ROS1: variants seen among roughly 807,000 people sequenced by gnomAD.
ROS1 encodes the protein ROS proto-oncogene 1, receptor tyrosine kinase.
In ROS1, 263 loss-of-function variants were observed where a neutral mutation model predicts 273.5. The ratio of observed to expected loss-of-function variants is 0.96; its 90% CI spans 0.87 to 1.06. The LOEUF (loss-of-function observed/expected upper bound fraction) is 1.06, where lower values mean the gene tolerates loss of function less well. Among genes scored for constraint, ROS1 ranks in the 50% least tolerant of loss-of-function variants. The pLI is 0.00. For missense variants in ROS1, 2,833 were observed against 2,751.1 expected, an observed-to-expected ratio of 1.03 and a Z score of -0.67; for synonymous variants, 1,008 against 954.1, an observed-to-expected ratio of 1.06 and a Z score of -1.04.
At chr6:117,355,543 T>G (rs1324003181) in intron 26 of ROS1, among the ~76,000 whole-genome samples, 1 of 152,232 alleles carries the variant, frequency 6.6e-6, no homozygotes, top group African/African-American at 2.4e-5. Flanking sequence ...CATTAGCTAT[T>G]TGTGGCTTTT....
intron 18 of ROS1, among the ~76,000 whole-genome samples, chr6:117,378,614 A>T (rs1781535637): frequency 6.6e-6 from 1 of 152,182 alleles, no homozygotes; most frequent in Non-Finnish European, 1.5e-5. Flanking sequence ...AATATCTGAC[A>T]ATGCTAATGT....
chr6:117,398,693 A>AAAAAAAAAAAAAAAAAAAAAAC lies in ROS1; in HGVS notation c.605-1578_605-1577insGTTTTTTTTTTTTTTTTTTTTT, dbSNP rs1554252569. ...GACCTTGTCTCAAAAAAAAAAAAAA[A>AAAAAAAAAAAAAAAAAAAAAAC]AAAACTCGCGGTGACTCATGCTTGT... On this transcript the variant is annotated intron_variant, in intron 7 of 43. Coordinates refer to ENST00000368507, the MANE Select transcript of ROS1 (RefSeq NM_001378902.1). Among the ~76,000 whole-genome samples, 260 of 141,160 alleles carry AAAAAAAAAAAAAAAAAAAAAAC rather than the reference A, an allele frequency of 1.8e-3. 14 individuals carry two copies. Among genetic ancestry groups the AAAAAAAAAAAAAAAAAAAAAAC allele is most frequent in the Non-Finnish European group, 3.5e-3 (216 of 62,114 alleles). The allele number at this position is 141,160 out of a possible 152,430, so 92.6% of individuals were successfully genotyped here.
At position 117,389,454 on chromosome 6, in the gene ROS1, G is replaced by A. The variant is rs769974183; in HGVS notation, c.1682C>T (p.Ser561Phe). 1.9e-6 allele frequency: 3 copies of A among 1,614,190 alleles called. No individual in the cohort carries two copies. In the South Asian group the frequency reaches 3.3e-5, roughly 18 times the overall value. Residue 561 changes from serine to phenylalanine, a missense_variant, in exon 13 of 44, where the codon TCC becomes TTC. Transcript: ENST00000368507. ...FGNLVIFGSS[S>F]QLHPLPGRPQ... is the part of the protein sequence containing the mutation. ...GCGGCCTGGCAGAGGGTGCAGCTGG[G>A]AGGATGAGCCAAAGATGACCAAGTT... is the stretch of plus-strand genomic sequence containing the variant.
chr6:117,327,734 G>A (rs548079030), intron 33 of ROS1, among the ~76,000 whole-genome samples: 1 of 152,324 alleles, frequency 6.6e-6, no homozygotes, highest in East Asian at 1.9e-4. Context: ...ATTTTAATGT[G>A]ACCTTGTTTA....
chr6:117,307,203 C>G (rs1172731665), intron 42 of ROS1, among the ~76,000 whole-genome samples: 1 of 152,038 alleles, frequency 6.6e-6, no homozygotes, highest in African/African-American at 2.4e-5. Context: ...GTTATTAACC[C>G]CCCTGCCCCA....
intron 31 of ROS1, among the ~76,000 whole-genome samples, chr6:117,340,890 T>C (rs911777439): frequency 1.3e-5 from 2 of 152,102 alleles, no homozygotes; most frequent in Admixed American, 1.3e-4. Context: ...TAAAATATTA[T>C]AAAATTAGTA....
chr6:117,375,308 T>C (rs1277841579), intron 18 of ROS1, among the ~76,000 whole-genome samples: 1 of 151,878 alleles, frequency 6.6e-6, no homozygotes, highest in African/African-American at 2.4e-5. Context: ...GGGAGGAGGG[T>C]GAGGGATAAA....
intron 26 of ROS1, among the ~76,000 whole-genome samples, chr6:117,354,376 T>G (rs918771903): frequency 2.7e-5 from 4 of 150,604 alleles, no homozygotes; most frequent in Admixed American, 2.6e-4. Context: ...GTGCTTACAA[T>G]GAGCTACAAC....
chr6:117,348,233 G>A (rs971853536), intron 27 of ROS1, among the ~76,000 whole-genome samples: 1 of 151,852 alleles, frequency 6.6e-6, no homozygotes. Flanking sequence ...TATTTCAGAA[G>A]GCTATTAATT....
chr6:117,313,068 G>C (rs1014500734), intron 39 of ROS1, among the ~76,000 whole-genome samples: 1 of 152,052 alleles, frequency 6.6e-6, no homozygotes, highest in Non-Finnish European at 1.5e-5. Flanking sequence ...CTGTAGACTT[G>C]TGTCTGTAGA....
At chr6:117,304,949 A>T (rs888067645) in intron 42 of ROS1, among the ~76,000 whole-genome samples, 1 of 152,068 alleles carries the variant, frequency 6.6e-6, no homozygotes, top group African/African-American at 2.4e-5. Flanking sequence ...GGCCATGGGA[A>T]AGACTGTGCC....
At chr6:117,397,146 AGAAAAATGT>A in intron 7 of ROS1, 30 bp from the exon 8 acceptor site, 1 of 1,403,456 alleles carries the variant, frequency 7.1e-7, no homozygotes, top group African/African-American at 1.4e-5. Flanking sequence ...CATAATGAGC[AGAAAAATGT>A]GCAAGCATGA....
Position 117,322,067 on chromosome 6 carries a change from A to T in ROS1, c.5624-673T>A, listed in dbSNP as rs1582616358. Among the ~76,000 whole-genome samples, 3 of 152,100 alleles carry T rather than the reference A, an allele frequency of 2.0e-5. No individual in the cohort carries two copies. The East Asian group carries it at 5.8e-4, about 29-fold the overall frequency. On this transcript the variant is annotated intron_variant, in intron 35 of 43. Coordinates refer to ENST00000368507, the MANE Select transcript of ROS1 (RefSeq NM_001378902.1). ...ATACAATTATGTCAATAGGATTGTC[A>T]TCTGTACTGGACTATTGGCTCAGAA...
chr6:117,396,246 T>C lies in ROS1; in HGVS notation c.825A>G (p.Val275=). The change falls in exon 9 of 44, where the codon GTA becomes GTG. Residue 275 remains valine (V), a synonymous_variant. Coordinates refer to ENST00000368507, the MANE Select transcript of ROS1 (RefSeq NM_001378902.1). Reference sequence around the variant, plus strand: ...CTTCTGGACCCTCACCAACTTCATTTACTGCTGCAATAGAAAACCTATTCC... The same window carrying C: ...CTTCTGGACCCTCACCAACTTCATTCACTGCTGCAATAGAAAACCTATTCC... ...NTIYRFSIAA[V]NEVGEGPEAE... is the part of the protein sequence containing the mutation. 1.9e-6 allele frequency: 3 copies of C among 1,613,490 alleles called. No individual in the cohort carries two copies. Among genetic ancestry groups the C allele is most frequent in the Non-Finnish European group, 2.5e-6 (3 of 1,179,468 alleles).
intron 39 of ROS1, among the ~76,000 whole-genome samples, chr6:117,316,707 C>G (rs1199672047): frequency 6.6e-6 from 1 of 152,030 alleles, no homozygotes; most frequent in African/African-American, 2.4e-5. Flanking sequence ...CCGTTTGGGG[C>G]AAAATATGTT....
chr6:117,403,104 A>G, intron 7 of ROS1, 35 bp downstream of exon 7: 1 of 1,608,542 alleles, frequency 6.2e-7, no homozygotes, highest in East Asian at 2.2e-5. Context: ...GCTTTGGAAT[A>G]ATGTCCTTTC....
intron 43 of ROS1, among the ~76,000 whole-genome samples, chr6:117,289,560 T>G (rs1225281676): frequency 6.6e-6 from 1 of 152,222 alleles, no homozygotes; most frequent in Admixed American, 6.5e-5. Flanking sequence ...TAAGAACGTA[T>G]GAACTACATC....
chr6:117,399,447 T>A, intron 7 of ROS1, among the ~76,000 whole-genome samples: 1 of 152,132 alleles, frequency 6.6e-6, no homozygotes. Flanking sequence ...AACCCTGAGA[T>A]CTGACAAGCA....
At chr6:117,358,059 A>T in intron 24 of ROS1, 50 bp from the exon 25 acceptor site, 1 of 1,288,070 alleles carries the variant, frequency 7.8e-7, no homozygotes, top group Non-Finnish European at 1.1e-6. Context: ...TTATTTTTTT[A>T]TTTGAAGACT....
Sources: gnomAD v4.1 joint callset for allele counts (sites outside exome capture counted in the v4.1 genomes callset) on GRCh38, gnomAD v4.1.1 for gene constraint, MANE v1.5 for transcripts, NCBI Gene and HGNC (gene_info 2026-07-23, HGNC 2026-07-21) for gene names.